The following SCGB2A2 variants were observed in gnomAD, a reference collection of about 807,000 sequenced individuals.
The protein encoded by SCGB2A2 is mammaglobin-A.
Under a neutral mutation model 8.8 loss-of-function variants are expected in SCGB2A2, and 11 were observed. That is an observed-to-expected ratio of 1.25 (90% confidence interval 0.79 to 2.07). The LOEUF is 2.07. SCGB2A2 is among the 30% of genes most tolerant of loss of function. The pLI, the probability that SCGB2A2 is intolerant of heterozygous loss-of-function variation, is 0.00. For missense variants in SCGB2A2, 113 were observed against 109.9 expected (o/e 1.03, Z -0.13); for synonymous variants, 42 against 40.9 (o/e 1.03, Z -0.10).
intron 1 of SCGB2A2, 39 bp downstream of exon 1, chr11:62,270,310 G>A: frequency 1.3e-6 from 2 of 1,596,720 alleles, no homozygotes; most frequent in African/African-American, 1.3e-5. Context: ...GGGGTTAGGG[G>A]TTGTCACTTG....
intron 2 of SCGB2A2, 53 bp downstream of exon 2, chr11:62,271,121 TG>T: frequency 6.2e-7 from 1 of 1,612,290 alleles, no homozygotes; most frequent in Non-Finnish European, 8.5e-7. Context: ...CAGGGACAAG[TG>T]GGCTCTTCAT....
At position 62,271,066 on chromosome 11, in the gene SCGB2A2, A is replaced by T. The variant is rs559678942; in HGVS notation, c.241A>T (p.Met81Leu). The change falls in exon 2 of 3, where the codon ATG (methionine) becomes TTG (leucine). Residue 81 changes from methionine (M) to leucine (L), a missense_variant and splice_region_variant. By Grantham distance (15) the Met-to-Leu change is conservative. Transcript: ENST00000227918. ...DETLSNVEVF[M>L]QLIYDSSLCD... ...AACTCTGAGCAATGTTGAGGTGTTT[A>T]TGGTAATTTCATTTTCTTCCTATAA... 2.5e-6 allele frequency: 4 copies of T among 1,614,094 alleles called. No homozygotes were observed. In the African/African-American group the frequency reaches 5.3e-5, roughly 22 times the overall value.
At position 62,271,092 on chromosome 11, in the gene SCGB2A2, G is replaced by C. The variant is rs776408906; in HGVS notation, c.243+24G>C. 4.3e-6 allele frequency: 7 copies of C among 1,613,732 alleles called. No homozygotes were observed. The Admixed American group carries it at 5.0e-5, about 12-fold the overall frequency. On this transcript the variant is annotated intron_variant, in intron 2 of 2. Coordinates refer to ENST00000227918, the MANE Select transcript of SCGB2A2 (RefSeq NM_002411.4). ...TGGTAATTTCATTTTCTTCCTATAA[G>C]CTTTTTAAATCCCCTGACCAGGGAC...
At chr11:62,270,597 T>C (rs1945269607) in intron 1 of SCGB2A2, among the ~76,000 whole-genome samples, 1 of 152,238 alleles carries the variant, frequency 6.6e-6, no homozygotes, top group Non-Finnish European at 1.5e-5. Context: ...ATCTTCACGA[T>C]ATACTTCCAA....
intron 1 of SCGB2A2, 40 bp from the exon 2 acceptor site, chr11:62,270,841 C>T: frequency 6.5e-7 from 1 of 1,545,968 alleles, no homozygotes. Context: ...GCCTTTCATG[C>T]CTTCTGTACC....
At chr11:62,272,913 A>G in intron 2 of SCGB2A2, 44 bp from the exon 3 acceptor site, 1 of 1,407,100 alleles carries the variant, frequency 7.1e-7, no homozygotes, top group Non-Finnish European at 1.0e-6. Context: ...ATTTTGTTAG[A>G]GAGTGCAGAA....
chr11:62,272,923 A>C (rs1412934295), intron 2 of SCGB2A2, 34 bp from the exon 3 acceptor site: 1 of 1,540,322 alleles, frequency 6.5e-7, no homozygotes, highest in Non-Finnish European at 8.9e-7. Context: ...AGAGTGCAGA[A>C]AATCTAAGTG....
intron 2 of SCGB2A2, among the ~76,000 whole-genome samples, chr11:62,272,636 T>G (rs1945288374): frequency 7.2e-6 from 1 of 139,574 alleles, no homozygotes; most frequent in African/African-American, 2.6e-5. Flanking sequence ...AGACGAGAGC[T>G]CAAAGTTTCA....
chr11:62,271,834 A>G (rs1945281534), intron 2 of SCGB2A2: 1 of 985,298 alleles, frequency 1.0e-6, no homozygotes, highest in Non-Finnish European at 1.2e-6. Flanking sequence ...ACTTCCAGGC[A>G]ATCATAATTT....
At position 62,270,360 on chromosome 11, in the gene SCGB2A2, G is replaced by A. The variant is rs541655891; in HGVS notation, c.55+89G>A. On this transcript the variant is annotated intron_variant, in intron 1 of 2. Coordinates refer to ENST00000227918, the MANE Select transcript of SCGB2A2 (RefSeq NM_002411.4). ...AACTCCTGCTCCCCAATTCTCAGCAGAGATCAGCCCCAGTACAAAGGCTGT... is the reference window on the plus strand; with the variant it reads ...AACTCCTGCTCCCCAATTCTCAGCAAAGATCAGCCCCAGTACAAAGGCTGT... 4.2e-5 allele frequency: 51 copies of A among 1,221,778 alleles called. No individual in the cohort carries two copies. The African/African-American group carries it at 6.5e-4, about 16-fold the overall frequency. 75.7% of individuals were successfully genotyped at this position (1,221,778 alleles called of 1,614,324 possible).
chr11:62,272,249 G>A (rs1817091327), intron 2 of SCGB2A2, among the ~76,000 whole-genome samples: 1 of 102,990 alleles, frequency 9.7e-6, no homozygotes, highest in Admixed American at 1.1e-4. Flanking sequence ...CAGACTCAGA[G>A]ACAGTGAAAA....
chr11:62,271,630 C>T (rs1032629105), intron 2 of SCGB2A2: 1 of 1,005,854 alleles, frequency 9.9e-7, no homozygotes, highest in Non-Finnish European at 1.2e-6. Flanking sequence ...CACATACAAA[C>T]ATATGTTCAC....
In SCGB2A2 at chr11:62,271,069, G is replaced by T. The variant is rs779485575; in HGVS notation, c.243+1G>T. Reference sequence around the variant, plus strand: ...TCTGAGCAATGTTGAGGTGTTTATGGTAATTTCATTTTCTTCCTATAAGCT... The same window carrying T: ...TCTGAGCAATGTTGAGGTGTTTATGTTAATTTCATTTTCTTCCTATAAGCT... On this transcript the variant is annotated splice_donor_variant, in intron 2 of 2. Coordinates refer to ENST00000227918, the MANE Select transcript of SCGB2A2 (RefSeq NM_002411.4). LOFTEE classifies it high-confidence loss of function. 2 of 1,614,172 alleles carry T rather than the reference G, an allele frequency of 1.2e-6. No homozygotes were observed. Among genetic ancestry groups the T allele is most frequent in the South Asian group, 2.2e-5 (2 of 91,080 alleles).
At chr11:62,270,319 TG>T (rs1186035392) in intron 1 of SCGB2A2, 48 bp downstream of exon 1, 2 of 1,553,248 alleles carry the variant, frequency 1.3e-6, no homozygotes, top group Non-Finnish European at 1.8e-6. Flanking sequence ...GGTTGTCACT[TG>T]GGCCTCTATG....
chr11:62,271,506 C>G, intron 2 of SCGB2A2: 1 of 1,216,840 alleles, frequency 8.2e-7, no homozygotes, highest in Non-Finnish European at 1.0e-6. Flanking sequence ...GACACAGACA[C>G]AGACACAGAC....
At chr11:62,271,474 C>A in intron 2 of SCGB2A2, 3 of 1,297,168 alleles carry the variant, frequency 2.3e-6, no homozygotes, top group Non-Finnish European at 2.9e-6. Context: ...CAGACATACA[C>A]AAACATAGAC....
intron 1 of SCGB2A2, 110 bp from the exon 2 acceptor site, chr11:62,270,771 C>A (rs1286664309): frequency 1.3e-6 from 1 of 785,736 alleles, no homozygotes; most frequent in Admixed American, 2.8e-5. Flanking sequence ...GCATCATTAT[C>A]TTTGAGTCTA....
At chr11:62,270,303 G>C (rs1218842695) in intron 1 of SCGB2A2, 32 bp downstream of exon 1, 1 of 1,606,086 alleles carries the variant, frequency 6.2e-7, no homozygotes, top group African/African-American at 1.3e-5. Flanking sequence ...CTGCCTCGGG[G>C]TTAGGGGTTG....
intron 2 of SCGB2A2, among the ~76,000 whole-genome samples, chr11:62,272,584 C>A (rs561487816): frequency 1.3e-5 from 2 of 149,076 alleles, no homozygotes; most frequent in East Asian, 4.0e-4. Flanking sequence ...CAGAGGGCGT[C>A]GGACTGCTGG....
Sources: allele counts gnomAD v4.1 joint callset (sites outside exome capture counted in the v4.1 genomes callset), GRCh38; gene constraint gnomAD v4.1.1; transcripts MANE v1.5; gene names NCBI Gene and HGNC (gene_info 2026-07-23, HGNC 2026-07-21).